GNB5: variants seen among roughly 807,000 people sequenced by gnomAD.
GNB5 encodes the protein guanine nucleotide-binding protein subunit beta-5.
A neutral mutation model predicts 55.3 loss-of-function variants in GNB5; 37 were observed. The ratio of observed to expected loss-of-function variants is 0.67; its 90% confidence interval spans 0.51 to 0.88. The LOEUF (loss-of-function observed/expected upper bound fraction) is 0.88. GNB5 is among the 40% of genes least tolerant of loss of function. The probability of loss-of-function intolerance (pLI) is 0.00; values close to 1 mark genes in which losing one functional copy is unlikely to be tolerated. For synonymous variants in GNB5, 219 were observed against 198.5 expected (o/e 1.10, Z -0.87); for missense variants, 476 against 515.3 (o/e 0.92, Z 0.74).
At chr15:52,163,897 T>C (rs1362907492) in intron 3 of GNB5, among the ~76,000 whole-genome samples, 2 of 152,078 alleles carry the variant, frequency 1.3e-5, no homozygotes, top group Non-Finnish European at 2.9e-5. Flanking sequence ...ATCTTTGCTG[T>C]TTTGCAGCCT....
rs35577518 is a variant in GNB5, at chr15:52,183,333, T to TGC, written c.126+1217_126+1218insGC. On this transcript the variant is annotated intron_variant, in intron 2 of 12. Transcript: ENST00000261837. ...GCAGAAGAGTTAGATTAATAAATAATGGGGGGGGGGTAAGGCCCCCAGAAA... is the reference window on the plus strand; with the variant it reads ...GCAGAAGAGTTAGATTAATAAATAATGCGGGGGGGGGGTAAGGCCCCCAGAAA... 9.6e-5 allele frequency among the ~76,000 whole-genome samples: 14 copies of TGC among 145,404 alleles called. No individual in the cohort carries two copies. In the South Asian group the frequency reaches 2.0e-3, roughly 21 times the overall value.
At chr15:52,179,651 G>C (rs555900029) in intron 3 of GNB5, 117 bp downstream of exon 3, 32 of 497,500 alleles carry the variant, frequency 6.4e-5, no homozygotes, top group Non-Finnish European at 8.3e-5. Context: ...CTCCCGGGCG[G>C]TGGCGCGGGC....
intron 6 of GNB5, among the ~76,000 whole-genome samples, chr15:52,145,720 A>C (rs2033959586): frequency 6.6e-6 from 1 of 151,536 alleles, no homozygotes; most frequent in South Asian, 2.1e-4. Context: ...CACTGGAAGG[A>C]GAGTGAGACT....
intron 6 of GNB5, chr15:52,147,184 T>TTA: frequency 4.3e-6 from 1 of 232,888 alleles, no homozygotes; most frequent in Admixed American, 5.3e-5. Context: ...TTTTTTTTTT[T>TTA]AAAGAGATGG....
chr15:52,160,497 T>C (rs1200417290), intron 3 of GNB5, among the ~76,000 whole-genome samples: 6 of 152,110 alleles, frequency 3.9e-5, no homozygotes, highest in Non-Finnish European at 8.8e-5. Context: ...AAACTAGAGA[T>C]CATGTTTAGA....
chr15:52,152,645 T>A (rs532992767), intron 4 of GNB5, among the ~76,000 whole-genome samples: 3 of 149,082 alleles, frequency 2.0e-5, no homozygotes, highest in Admixed American at 1.3e-4. Flanking sequence ...CTTTTTTTTT[T>A]TTTGAGACAG....
intron 4 of GNB5, among the ~76,000 whole-genome samples, chr15:52,152,351 T>A (rs965105491): frequency 6.6e-6 from 1 of 151,556 alleles, no homozygotes; most frequent in Non-Finnish European, 1.5e-5. Flanking sequence ...AAAAAAACAG[T>A]CTCGCCCTGT....
rs186961102 is a variant in GNB5, at chr15:52,136,964, C to T, written c.628-1208G>A. 9.3e-5 allele frequency: 42 copies of T among 453,318 alleles called. No homozygotes were observed. The East Asian group carries it at 1.9e-3, about 21-fold the overall frequency. The allele number at this position is 453,318 out of a possible 1,614,324, so 28.1% of individuals were successfully genotyped here. ...GCTCCTGGGAGAAAAGACTGTGAAT[C>T]GATTAGACAACTTACCAAGATTAAC... On this transcript the variant is annotated intron_variant, in intron 7 of 12. Transcript: ENST00000261837.
chr15:52,156,558 C>T (rs2034211157), intron 3 of GNB5, among the ~76,000 whole-genome samples: 3 of 152,134 alleles, frequency 2.0e-5, no homozygotes, highest in East Asian at 1.9e-4. Flanking sequence ...ATGGTGAAAC[C>T]GTCTCTACCA....
At chr15:52,134,048 G>C (rs1011790313) in intron 8 of GNB5, among the ~76,000 whole-genome samples, 3 of 152,232 alleles carry the variant, frequency 2.0e-5, no homozygotes, top group Non-Finnish European at 4.4e-5. Flanking sequence ...GCCCATAAGG[G>C]TGCTGCCATC....
chr15:52,133,505 T>A (rs368196214), intron 8 of GNB5, 36 bp from the exon 9 acceptor site: 3 of 1,322,700 alleles, frequency 2.3e-6, no homozygotes, highest in Non-Finnish European at 3.3e-6. Context: ...ATGGCCACTT[T>A]AAGGAATGTC....
intron 3 of GNB5, among the ~76,000 whole-genome samples, chr15:52,176,788 C>A (rs1352373067): frequency 6.6e-6 from 1 of 152,194 alleles, no homozygotes; most frequent in Non-Finnish European, 1.5e-5. Flanking sequence ...GCAGAGTGAG[C>A]CCAGTAAAGC....
chr15:52,185,850 C>T (rs2034839498), intron 1 of GNB5, among the ~76,000 whole-genome samples: 1 of 151,328 alleles, frequency 6.6e-6, no homozygotes, highest in Admixed American at 6.6e-5. Context: ...ACAATCTTGG[C>T]TCACTGCAAC....
intron 9 of GNB5, among the ~76,000 whole-genome samples, chr15:52,132,636 A>ATTTTTTTTTTTTTTTTTTTTT (rs1216272462): frequency 7.4e-6 from 1 of 134,800 alleles, no homozygotes; most frequent in Non-Finnish European, 1.6e-5. Context: ...TGCCCTGCTA[A>ATTTTTTTTTTTTTTTTTTTTT]TTTTTTTTTT....
At position 52,186,233 on chromosome 15, in the gene GNB5, C is replaced by T. The variant is rs78877118; in HGVS notation, c.-18-1539G>A. Among the ~76,000 whole-genome samples, 31 of 152,320 alleles carry T rather than the reference C, an allele frequency of 2.0e-4. 1 individual carries two copies. The East Asian group carries it at 6.0e-3, about 29-fold the overall frequency. On this transcript the variant is annotated intron_variant, in intron 1 of 12. Coordinates refer to ENST00000261837, the MANE Select transcript of GNB5 (RefSeq NM_016194.4). ...GTAAACTAATGAGAATTCCTAACAA[C>T]TTTGTATCAGCCCACTCCCGGTCCC... is the stretch of plus-strand genomic sequence containing the variant.
intron 7 of GNB5, among the ~76,000 whole-genome samples, chr15:52,136,397 C>T (rs2033724373): frequency 6.6e-6 from 1 of 152,136 alleles, no homozygotes. Context: ...ACCTTCGATG[C>T]CTCCCACTGC....
chr15:52,164,419 C>G (rs950213242), intron 3 of GNB5, among the ~76,000 whole-genome samples: 6 of 150,672 alleles, frequency 4.0e-5, no homozygotes, highest in Admixed American at 6.6e-5. Flanking sequence ...GAGATCGAGA[C>G]ATTCTTGGCT....
chr15:52,184,804 G>T, intron 1 of GNB5, 110 bp from the exon 2 acceptor site: 1 of 772,086 alleles, frequency 1.3e-6, no homozygotes, highest in Non-Finnish European at 2.1e-6. Flanking sequence ...TCTACATGTG[G>T]GATAGAGTAT....
intron 3 of GNB5, among the ~76,000 whole-genome samples, chr15:52,177,407 C>T (rs2034673734): frequency 6.6e-6 from 1 of 151,714 alleles, no homozygotes; most frequent in South Asian, 2.1e-4. Context: ...CCTGTAATCC[C>T]AGTACTTTTG....
Sources: gnomAD v4.1 joint callset for allele counts (sites outside exome capture counted in the v4.1 genomes callset) on GRCh38, gnomAD v4.1.1 for gene constraint, MANE v1.5 for transcripts, NCBI Gene and HGNC (gene_info 2026-07-23, HGNC 2026-07-21) for gene names.